The following SYNE2 variants were observed in gnomAD, a reference collection of about 807,000 sequenced individuals.
SYNE2 encodes the protein nesprin-2.
In SYNE2, 431 loss-of-function variants were observed where a neutral mutation model predicts 856.3. That is an observed-to-expected ratio of 0.50 (90% CI 0.47 to 0.55). The LOEUF (loss-of-function observed/expected upper bound fraction) is 0.55, where lower values mean the gene tolerates loss of function less well. SYNE2 is among the 20% of genes least tolerant of loss of function. SYNE2 has a pLI of 0.00. For missense variants in SYNE2, 8,129 were observed against 8,023.2 expected, an observed-to-expected ratio of 1.01 and a Z score of -0.50; for synonymous variants, 2,923 against 2,872.3, an observed-to-expected ratio of 1.02 and a Z score of -0.56.
chr14:64,046,799 C>G (rs1311149655), intron 45 of SYNE2, among the ~76,000 whole-genome samples: 1 of 152,352 alleles, frequency 6.6e-6, no homozygotes, highest in Admixed American at 6.5e-5. Context: ...GCAAGCTGCT[C>G]TGGGTGCCGA....
intron 58 of SYNE2, among the ~76,000 whole-genome samples, chr14:64,088,776 G>A (rs1367702072): frequency 6.6e-6 from 1 of 152,074 alleles, no homozygotes; most frequent in East Asian, 1.9e-4. Flanking sequence ...GGCAATTAAA[G>A]TTCTTCATTA....
intron 101 of SYNE2, 167 bp from the exon 102 acceptor site, chr14:64,209,261 C>A: frequency 8.6e-7 from 1 of 1,160,942 alleles, no homozygotes; most frequent in Admixed American, 2.2e-5. Context: ...AGCTGCTTGG[C>A]GCTCCCAGGC....
At chr14:64,085,644 G>A (rs2097555694) in intron 57 of SYNE2, among the ~76,000 whole-genome samples, 1 of 152,136 alleles carries the variant, frequency 6.6e-6, no homozygotes, top group Non-Finnish European at 1.5e-5. Flanking sequence ...AGCAACATCA[G>A]TTCTAATTGC....
chr14:64,216,296 C>T lies in SYNE2; in HGVS notation c.19451C>T (p.Ser6484Phe). ...TCGTGGCATGTTCCCGACAGCCCTT[C>T]CTGTCCCGAGCATCACTACAAGCAA... is the stretch of plus-strand genomic sequence containing the variant. ...GHSWHVPDSP[S>F]CPEHHYKQME... Residue 6484 changes from serine (S) to phenylalanine (F), a missense_variant, in exon 108 of 116, where the codon TCC (serine) becomes TTC (phenylalanine). Ser to Phe is a radical substitution (Grantham distance 155). Transcript: ENST00000555002. 6.2e-7 allele frequency: 1 copy of T among 1,614,194 alleles called. No individual in the cohort carries two copies. Among genetic ancestry groups the T allele is most frequent in the Non-Finnish European group, 8.5e-7 (1 of 1,180,046 alleles).
intron 98 of SYNE2, 47 bp downstream of exon 98, chr14:64,188,755 TGTC>T: frequency 6.2e-7 from 1 of 1,605,260 alleles, no homozygotes; most frequent in Non-Finnish European, 8.5e-7. Flanking sequence ...ACCATGGAAT[TGTC>T]GGCCCTCCTC....
rs1240418040 is a variant in SYNE2 at position 64,142,053 on chromosome 14, G to A, written c.15271G>A (p.Ala5091Thr). The part of the protein sequence containing the change: ...DEDSVHSPSS[A>T]SQVKHLLQKH... ...AGACTCCGTGCATTCACCAAGTTCTGCATCTCAAGTTAAACATCTTCTTCA... is the reference window on the plus strand; with the variant it reads ...AGACTCCGTGCATTCACCAAGTTCTACATCTCAAGTTAAACATCTTCTTCA... Residue 5091 changes from alanine (A) to threonine (T), a missense_variant, in exon 82 of 116, where the codon GCA becomes ACA. This residue lies in a region of SYNE2 where 5,410 missense variants were observed against 5,284.8 expected (regional missense o/e 1.02). Coordinates refer to ENST00000555002, the MANE Select transcript of SYNE2 (RefSeq NM_182914.3). The A allele has an allele frequency of 6.2e-7, 1 of 1,614,050 alleles. No individual in the cohort carries two copies. The highest frequency in any genetic ancestry group is 8.5e-7 in the Non-Finnish European group (1 of 1,179,998).
intron 2 of SYNE2, among the ~76,000 whole-genome samples, chr14:63,912,056 A>G (rs1679455346): frequency 6.6e-6 from 1 of 152,186 alleles, no homozygotes; most frequent in Non-Finnish European, 1.5e-5. Context: ...GTAGAAAGCC[A>G]ATACTATAAT....
intron 87 of SYNE2, among the ~76,000 whole-genome samples, chr14:64,160,988 C>T (rs936379189): frequency 1.3e-5 from 2 of 152,148 alleles, no homozygotes; most frequent in African/African-American, 4.8e-5. Context: ...ACCATTTGTA[C>T]AGCCACTTAA....
At chr14:63,816,303 A>G (rs1888991847) in intron 1 of SYNE2, among the ~76,000 whole-genome samples, 1 of 152,174 alleles carries the variant, frequency 6.6e-6, no homozygotes, top group South Asian at 2.1e-4. Flanking sequence ...CACCTGCCAC[A>G]TTCAAATGGA....
At chr14:64,100,438 C>T (rs1331789945) in intron 63 of SYNE2, 1 of 146,726 alleles carries the variant, frequency 6.8e-6, no homozygotes, top group African/African-American at 2.5e-5. Context: ...ATTGCTTGAA[C>T]CCAGGAGGCA....
intron 10 of SYNE2, among the ~76,000 whole-genome samples, chr14:63,966,107 G>A (rs1190717787): frequency 1.3e-5 from 2 of 152,126 alleles, no homozygotes; most frequent in African/African-American, 2.4e-5. Flanking sequence ...GATCCTTGGA[G>A]TAGTTTGAGC....
intron 2 of SYNE2, among the ~76,000 whole-genome samples, chr14:63,915,785 C>T (rs1336884636): frequency 2.0e-5 from 3 of 151,986 alleles, no homozygotes; most frequent in East Asian, 1.9e-4. Context: ...AGTAGTGAAA[C>T]GTGAGTCTCT....
rs141973388 is a variant in SYNE2 at position 63,912,703 on chromosome 14, C to T, written c.79+3476C>T. Among the ~76,000 whole-genome samples, 211 of 152,224 alleles carry T rather than the reference C, an allele frequency of 1.4e-3. No individual in the cohort carries two copies. In the Middle Eastern group the frequency reaches 0.034, roughly 25 times the overall value. ...CAACACCCTGACTCAGAATAACACA[C>T]GCAAGAAAAGATTAAAATGTCTCAG... is the stretch of plus-strand genomic sequence containing the variant. On this transcript the variant is annotated intron_variant, in intron 2 of 115. Transcript: ENST00000555002.
chr14:64,193,537 G>A (rs919885779), intron 99 of SYNE2, among the ~76,000 whole-genome samples: 1 of 150,804 alleles, frequency 6.6e-6, no homozygotes, highest in Non-Finnish European at 1.5e-5. Flanking sequence ...GTGACAGAGC[G>A]AACTCCGTCT....
chr14:64,103,716 A>C (rs182969576), intron 64 of SYNE2, among the ~76,000 whole-genome samples: 1 of 151,832 alleles, frequency 6.6e-6, no homozygotes, highest in Non-Finnish European at 1.5e-5. Context: ...CCTCCCTAAC[A>C]TGTTCTCTTC....
At chr14:63,762,604 T>C (rs57159332) in intron 1 of SYNE2, among the ~76,000 whole-genome samples, 22,799 of 150,426 alleles carry the variant, frequency 0.15, 1,816 homozygotes, top group Admixed American at 0.18. Flanking sequence ...TCTTTTTTTT[T>C]TTTTTTTAAT....
chr14:64,182,783 T>A (rs868709661), intron 96 of SYNE2, among the ~76,000 whole-genome samples: 1 of 152,256 alleles, frequency 6.6e-6, no homozygotes, highest in African/African-American at 2.4e-5. Flanking sequence ...TATGTCTACT[T>A]CTTTCTACAC....
At chr14:64,212,451 TTG>T (rs1306159243) in intron 104 of SYNE2, among the ~76,000 whole-genome samples, 2 of 152,196 alleles carry the variant, frequency 1.3e-5, no homozygotes, top group African/African-American at 4.8e-5. Flanking sequence ...GTGAATATTA[TTG>T]TGTCAGCAAA....
At chr14:64,110,761 C>T (rs892242300) in intron 65 of SYNE2, among the ~76,000 whole-genome samples, 2 of 151,968 alleles carry the variant, frequency 1.3e-5, no homozygotes, top group African/African-American at 4.8e-5. Context: ...GGGTTAGTAA[C>T]TTGGGTGCTT....
Sources: allele counts gnomAD v4.1 joint callset (sites outside exome capture counted in the v4.1 genomes callset), GRCh38; gene constraint gnomAD v4.1.1; regional missense constraint gnomAD v4.1.1; transcripts MANE v1.5; gene names NCBI Gene and HGNC (gene_info 2026-07-23, HGNC 2026-07-21).